ASAH2: variants seen among roughly 807,000 people sequenced by gnomAD.
ASAH2 encodes neutral ceramidase.
In ASAH2, 58 loss-of-function variants were observed where a neutral mutation model predicts 82.9. The observed-to-expected ratio is 0.70, with a 90% CI of 0.57 to 0.87. ASAH2 has a LOEUF of 0.87. Ranked by LOEUF, ASAH2 falls within the 40% of genes least tolerant of loss-of-function variation. The probability of loss-of-function intolerance (pLI) is 0.00; values close to 1 mark genes in which losing one functional copy is unlikely to be tolerated. For missense variants in ASAH2, 779 were observed against 834.0 expected (o/e 0.93, Z 0.81); for synonymous variants, 276 against 289.7 (o/e 0.95, Z 0.48).
chr10:50,211,546 A>G (rs2133207092), intron 10 of ASAH2, among the ~76,000 whole-genome samples: 1 of 152,228 alleles, frequency 6.6e-6, no homozygotes. Flanking sequence ...GTCCTGCAGC[A>G]GGTTGGGGAC....
chr10:50,247,302 C>T (rs546089275), intron 2 of ASAH2, among the ~76,000 whole-genome samples: 4 of 148,700 alleles, frequency 2.7e-5, no homozygotes, highest in Admixed American at 6.8e-5. Flanking sequence ...GGATTACAGG[C>T]GTGCACCACC....
chr10:50,231,341 G>A (rs909162299), intron 7 of ASAH2, among the ~76,000 whole-genome samples: 5 of 151,938 alleles, frequency 3.3e-5, no homozygotes, highest in Non-Finnish European at 5.9e-5. Flanking sequence ...TCATGACTCC[G>A]TGAGAAATCC....
At chr10:50,206,556 A>ACACACACT (rs1433359917) in intron 12 of ASAH2, among the ~76,000 whole-genome samples, 1 of 151,046 alleles carries the variant, frequency 6.6e-6, no homozygotes, top group African/African-American at 2.4e-5. Flanking sequence ...ACACACACAC[A>ACACACACT]CACACACACA....
chr10:50,215,662 T>TCTGTTTTGGTACCAGTACCATG lies in ASAH2; in HGVS notation c.1015-816_1015-795dup, dbSNP rs1215475931. On this transcript the variant is annotated intron_variant, in intron 8 of 20. Coordinates refer to ENST00000682911, the MANE Select transcript of ASAH2 (RefSeq NM_019893.4). Reference sequence around the variant, plus strand: ...CTGTTCTGTTCCAATGGTCTATATGTCTGTTTTGGTACCAGTACCATGCTG... The same window carrying TCTGTTTTGGTACCAGTACCATG: ...CTGTTCTGTTCCAATGGTCTATATGTCTGTTTTGGTACCAGTACCATGCTGTTTTGGTACCAGTACCATGCTG... Among the ~76,000 whole-genome samples the TCTGTTTTGGTACCAGTACCATG allele has an allele frequency of 9.2e-5, 14 of 152,256 alleles. 1 individual carries two copies. Among genetic ancestry groups the TCTGTTTTGGTACCAGTACCATG allele is most frequent in the African/African-American group, 3.4e-4 (14 of 41,546 alleles).
chr10:50,248,581 C>T lies in ASAH2; in HGVS notation c.30G>A (p.Glu10=). The T allele has an allele frequency of 3.1e-6, 5 of 1,613,738 alleles. No individual in the cohort carries two copies. The highest frequency in any genetic ancestry group is 4.2e-6 in the Non-Finnish European group (5 of 1,179,692). ...TTACAAGGAGGAAAATCAGGAATGT[C>T]TCCAAGTTAGAGAAGGTGCGTTTGG... MAKRTFSNL[E]TFLIFLLVMM... is the part of the protein sequence containing the mutation. The change falls in exon 2 of 21, where the codon GAG becomes GAA. Residue 10 remains glutamate, a synonymous_variant. Coordinates refer to ENST00000682911, the MANE Select transcript of ASAH2 (RefSeq NM_019893.4).
intron 7 of ASAH2, among the ~76,000 whole-genome samples, chr10:50,222,352 C>T (rs1167507078): frequency 2.0e-5 from 3 of 152,106 alleles, no homozygotes; most frequent in Admixed American, 6.6e-5. Context: ...AATCATGGCT[C>T]ACTTCAGCCT....
Position 50,234,506 on chromosome 10 carries a change from A to G in ASAH2, c.734T>C (p.Ile245Thr). 1 of 1,612,996 alleles carries G rather than the reference A, an allele frequency of 6.2e-7. No individual in the cohort carries two copies. Among genetic ancestry groups the G allele is most frequent in the Non-Finnish European group, 8.5e-7 (1 of 1,179,260 alleles). ...CACACCATCCACATTTCCTTTATTGATGAAGATTTTGCCTGGTTTCATATT... is the reference window on the plus strand; with the variant it reads ...CACACCATCCACATTTCCTTTATTGGTGAAGATTTTGCCTGGTTTCATATT... ...HTNMKPGKIF[I>T]NKGNVDGVQI... The change falls in exon 6 of 21, where the codon ATC becomes ACC. Residue 245 changes from isoleucine to threonine, a missense_variant. Transcript: ENST00000682911.
At chr10:50,210,106 A>T (rs1421671665) in intron 12 of ASAH2, among the ~76,000 whole-genome samples, 1 of 152,194 alleles carries the variant, frequency 6.6e-6, no homozygotes, top group Non-Finnish European at 1.5e-5. Flanking sequence ...CTATTTATAG[A>T]TTCATAATAA....
chr10:50,205,839 A>T (rs902840735), intron 13 of ASAH2, 143 bp downstream of exon 13: 42 of 733,408 alleles, frequency 5.7e-5, no homozygotes, highest in Non-Finnish European at 9.3e-5. Flanking sequence ...CATGGAACCC[A>T]TTTTTTAATA....
chr10:50,248,982 G>A (rs1314512976), intron 1 of ASAH2, among the ~76,000 whole-genome samples: 1 of 152,188 alleles, frequency 6.6e-6, no homozygotes, highest in African/African-American at 2.4e-5. Flanking sequence ...CGATGATGCT[G>A]TTTATGGATC....
intron 12 of ASAH2, among the ~76,000 whole-genome samples, chr10:50,209,549 A>G (rs1261861219): frequency 6.6e-6 from 1 of 152,112 alleles, no homozygotes; most frequent in African/African-American, 2.4e-5. Context: ...GGGTTTCACA[A>G]TGTTGACCAG....
At chr10:50,232,873 C>T (rs973286555) in intron 7 of ASAH2, among the ~76,000 whole-genome samples, 4 of 152,088 alleles carry the variant, frequency 2.6e-5, no homozygotes, top group Non-Finnish European at 4.4e-5. Context: ...ATCTTGATAA[C>T]ATAATAAGTG....
chr10:50,206,312 G>A (rs1845295529), intron 12 of ASAH2, among the ~76,000 whole-genome samples: 1 of 151,820 alleles, frequency 6.6e-6, no homozygotes, highest in Non-Finnish European at 1.5e-5. Context: ...CTTCAGTGTG[G>A]TCAAGAGAAC....
intron 9 of ASAH2, 95 bp downstream of exon 9, chr10:50,214,648 A>G: frequency 6.7e-7 from 1 of 1,497,564 alleles, no homozygotes; most frequent in Non-Finnish European, 9.3e-7. Context: ...AGTGTATACT[A>G]GAAGACAAGG....
At chr10:50,225,375 G>T (rs993279328) in intron 7 of ASAH2, among the ~76,000 whole-genome samples, 18 of 152,174 alleles carry the variant, frequency 1.2e-4, no homozygotes, top group African/African-American at 4.3e-4. Context: ...CTGAGATCAC[G>T]CCACTGTACT....
chr10:50,218,989 C>T (rs928302047), intron 7 of ASAH2, among the ~76,000 whole-genome samples: 13 of 152,232 alleles, frequency 8.5e-5, no homozygotes, highest in African/African-American at 2.2e-4. Context: ...TTATCCAATC[C>T]GACATTTACT....
chr10:50,235,807 T>C, intron 5 of ASAH2, 81 bp downstream of exon 5: 1 of 1,483,704 alleles, frequency 6.7e-7, no homozygotes, highest in South Asian at 1.1e-5. Context: ...CCTATAGGGA[T>C]TCTTTATATC....
intron 8 of ASAH2, among the ~76,000 whole-genome samples, chr10:50,217,229 C>CT (rs878958733): frequency 0.75 from 102,141 of 136,862 alleles, 40,390 homozygotes; most frequent in Non-Finnish European, 0.88. Context: ...TGTTTTCTTT[C>CT]TTTTTTTTTT....
rs1055317968 is a variant in ASAH2, at chr10:50,205,988, G to A, written c.1524C>T (p.Thr508=). The part of the protein sequence containing the change: ...CHKPKPILLH[T]GELSKPHPWH... ...GATAACGAAAATGCATTACTTCTCCGGTGTGAAGAAGGATGGGCTTTGGTT... is the reference window on the plus strand; with the variant it reads ...GATAACGAAAATGCATTACTTCTCCAGTGTGAAGAAGGATGGGCTTTGGTT... The change falls in exon 13 of 21, where the codon ACC becomes ACT. Residue 508 remains threonine, a synonymous_variant. Coordinates refer to ENST00000682911, the MANE Select transcript of ASAH2 (RefSeq NM_019893.4). 4.4e-4 allele frequency: 705 copies of A among 1,605,330 alleles called. 2 individuals carry two copies. Among genetic ancestry groups the A allele is most frequent in the African/African-American group, 2.2e-3 (165 of 74,702 alleles).
Sources: gnomAD v4.1 joint callset for allele counts (sites outside exome capture counted in the v4.1 genomes callset) on GRCh38, gnomAD v4.1.1 for gene constraint, MANE v1.5 for transcripts, NCBI Gene and HGNC (gene_info 2026-07-23, HGNC 2026-07-21) for gene names.